KALRN: variants seen among roughly 807,000 people sequenced by gnomAD.
KALRN encodes kalirin.
Under a neutral mutation model 353.7 loss-of-function variants are expected in KALRN, and 70 were observed. The observed-to-expected ratio is 0.20, with a 90% CI of 0.16 to 0.24. The LOEUF (loss-of-function observed/expected upper bound fraction) is 0.24, where lower values mean the gene tolerates loss of function less well. Ranked by LOEUF, KALRN falls within the 10% of genes least tolerant of loss-of-function variation. The pLI is 1.00. For synonymous variants in KALRN, 1,391 were observed against 1,434.8 expected (o/e 0.97, Z 0.69); for missense variants, 2,791 against 3,756.7 (o/e 0.74, Z 6.72).
chr3:124,633,854 CAAGAAAGGT>C lies in KALRN; in HGVS notation c.5470_5478del (p.Lys1824_Gly1826del). On this transcript the variant is annotated inframe_deletion, in exon 36 of 60. Coordinates refer to ENST00000682506, the MANE Select transcript of KALRN (RefSeq NM_001388419.1). The stretch of plus-strand genomic sequence containing the variant: ...ATGCTGCTCTTTTGTTCTAGAAGAG[CAAGAAAGGT>C]TGGGGTGAAGATGAGCCGGATGAAG... 6.2e-7 allele frequency: 1 copy of C among 1,613,632 alleles called. No homozygotes were observed. The highest frequency in any genetic ancestry group is 8.5e-7 in the Non-Finnish European group (1 of 1,179,758).
intron 32 of KALRN, among the ~76,000 whole-genome samples, chr3:124,495,992 T>TATATATATAC (rs2063759811): frequency 5.4e-5 from 3 of 55,932 alleles, no homozygotes; most frequent in African/African-American, 3.1e-4. Context: ...TATATATATA[T>TATATATATAC]ATATATATAT....
At chr3:124,541,479 A>C (rs1056839802) in intron 33 of KALRN, among the ~76,000 whole-genome samples, 11 of 151,802 alleles carry the variant, frequency 7.2e-5, no homozygotes, top group East Asian at 2.0e-4. Flanking sequence ...TAAAAAAAAA[A>C]CCCATATAAT....
intron 5 of KALRN, among the ~76,000 whole-genome samples, chr3:124,291,881 G>A (rs564572097): frequency 1.1e-4 from 16 of 152,304 alleles, no homozygotes; most frequent in Admixed American, 3.3e-4. Context: ...GAAACAAGCA[G>A]AGCTTCAAGA....
intron 34 of KALRN, among the ~76,000 whole-genome samples, chr3:124,582,069 G>A (rs1245859094): frequency 6.7e-6 from 1 of 148,564 alleles, no homozygotes; most frequent in African/African-American, 2.5e-5. Flanking sequence ...TGCCCAGGCT[G>A]GAGTGCAATG....
intron 36 of KALRN, among the ~76,000 whole-genome samples, chr3:124,634,685 T>C (rs864748): frequency 0.64 from 97,891 of 152,092 alleles, 32,345 homozygotes; most frequent in East Asian, 0.9. Context: ...TCCTTGCAGC[T>C]CTGCTTTCAC....
Position 124,650,794 on chromosome 3 carries a change from TTC to T in KALRN, c.5665-8_5665-7del. 1 of 1,465,088 alleles carries T rather than the reference TTC, an allele frequency of 6.8e-7. No homozygotes were observed. Among genetic ancestry groups the T allele is most frequent in the Non-Finnish European group, 9.0e-7 (1 of 1,113,988 alleles). 90.8% of individuals were successfully genotyped at this position (1,465,088 alleles called of 1,614,324 possible). A position where few individuals can be genotyped will look rare whatever the true frequency, so the allele number is the denominator to read the frequency against. On this transcript the variant is annotated splice_polypyrimidine_tract_variant and intron_variant, in intron 37 of 59. Transcript: ENST00000682506. ...AAAGTACACTTCTCTAAGCCTGTTT[TTC>T]TCTCTTTTCAGAGTCTAGAAGGAAG... is the stretch of plus-strand genomic sequence containing the variant.
chr3:124,394,884 C>T (rs907642814), intron 11 of KALRN, among the ~76,000 whole-genome samples: 8 of 152,142 alleles, frequency 5.3e-5, no homozygotes, highest in African/African-American at 1.7e-4. Flanking sequence ...TGTAGGTTTC[C>T]CTGACCACAG....
At chr3:124,575,369 T>C (rs1362018124) in intron 34 of KALRN, among the ~76,000 whole-genome samples, 1 of 152,204 alleles carries the variant, frequency 6.6e-6, no homozygotes, top group Non-Finnish European at 1.5e-5. Context: ...CCATCTCAGT[T>C]CAGAATGTTC....
intron 56 of KALRN, among the ~76,000 whole-genome samples, chr3:124,701,624 T>C (rs1228531164): frequency 6.6e-6 from 1 of 152,130 alleles, no homozygotes; most frequent in Non-Finnish European, 1.5e-5. Flanking sequence ...TTCTAAAATG[T>C]CTTTTCCTTT....
chr3:124,068,707 T>C (rs1489646896), intron 1 of KALRN, among the ~76,000 whole-genome samples: 2 of 152,234 alleles, frequency 1.3e-5, no homozygotes, highest in Admixed American at 6.5e-5. Flanking sequence ...TTTATTGATT[T>C]ACACCCTTTC....
chr3:124,456,229 T>C (rs1216646405), intron 22 of KALRN, among the ~76,000 whole-genome samples: 1 of 152,248 alleles, frequency 6.6e-6, no homozygotes, highest in Admixed American at 6.5e-5. Context: ...GATGTTTTTA[T>C]ATCTTTATGT....
intron 1 of KALRN, among the ~76,000 whole-genome samples, chr3:124,192,588 T>C (rs1371685552): frequency 1.3e-5 from 2 of 152,234 alleles, no homozygotes; most frequent in Non-Finnish European, 2.9e-5. Context: ...TTCTCCGTGA[T>C]GTGCTTATTT....
At chr3:124,374,125 C>G (rs138379228) in intron 10 of KALRN, among the ~76,000 whole-genome samples, 36 of 152,274 alleles carry the variant, frequency 2.4e-4, no homozygotes, top group African/African-American at 8.2e-4. Flanking sequence ...TAAAGAGGTT[C>G]TAGAAAGCTA....
At chr3:124,097,673 GTAGGCTTGATGA>G (rs2061545384) in intron 1 of KALRN, among the ~76,000 whole-genome samples, 1 of 152,202 alleles carries the variant, frequency 6.6e-6, no homozygotes, top group South Asian at 2.1e-4. Context: ...AAATAACAGC[GTAGGCTTGATGA>G]TTGCAGACTA....
intron 51 of KALRN, among the ~76,000 whole-genome samples, chr3:124,683,132 A>T (rs906310114): frequency 1.3e-5 from 2 of 152,226 alleles, no homozygotes; most frequent in Non-Finnish European, 2.9e-5. Context: ...TACATGGAAG[A>T]AGAGTCAAAC....
At chr3:124,079,581 CATTG>C (rs1399944925) in intron 1 of KALRN, among the ~76,000 whole-genome samples, 1 of 152,112 alleles carries the variant, frequency 6.6e-6, no homozygotes, top group East Asian at 1.9e-4. Flanking sequence ...GATGAGACTA[CATTG>C]ATTGAAAATT....
intron 55 of KALRN, among the ~76,000 whole-genome samples, chr3:124,699,477 A>T (rs546088164): frequency 1.3e-5 from 2 of 152,228 alleles, no homozygotes; most frequent in South Asian, 2.1e-4. Context: ...TGTTCAATAC[A>T]TGTTACTTTC....
At chr3:124,457,937 T>C (rs2059483971) in intron 23 of KALRN, among the ~76,000 whole-genome samples, 1 of 152,064 alleles carries the variant, frequency 6.6e-6, no homozygotes, top group South Asian at 2.1e-4. Context: ...TCAGATCATT[T>C]TCACTGACTC....
At chr3:124,383,068 A>C (rs968984041) in intron 10 of KALRN, among the ~76,000 whole-genome samples, 15 of 152,186 alleles carry the variant, frequency 9.9e-5, no homozygotes, top group Admixed American at 3.3e-4. Context: ...GAGCATTGGG[A>C]CAATGTAAAT....
Sources: allele counts gnomAD v4.1 joint callset (sites outside exome capture counted in the v4.1 genomes callset), GRCh38; gene constraint gnomAD v4.1.1; transcripts MANE v1.5; gene names NCBI Gene and HGNC (gene_info 2026-07-23, HGNC 2026-07-21).